SPOPL: variants seen among roughly 807,000 people sequenced by gnomAD.
The protein encoded by SPOPL is speckle-type POZ protein-like.
A neutral mutation model predicts 53.8 loss-of-function variants in SPOPL; 23 were observed. That is an observed-to-expected ratio of 0.43 (90% confidence interval 0.31 to 0.61). The LOEUF (loss-of-function observed/expected upper bound fraction) is 0.61, where lower values mean the gene tolerates loss of function less well. SPOPL is among the 20% of genes least tolerant of loss of function. SPOPL has a pLI of 0.12. For missense variants in SPOPL, 442 were observed against 466.9 expected (o/e 0.95, Z 0.49); for synonymous variants, 164 against 149.7 (o/e 1.10, Z -0.70).
At chr2:138,556,594 G>T (rs1367489058) in intron 5 of SPOPL, among the ~76,000 whole-genome samples, 1 of 152,080 alleles carries the variant, frequency 6.6e-6, no homozygotes, top group African/African-American at 2.4e-5. Context: ...ATATCATTAG[G>T]TTATAATGTG....
chr2:138,529,169 T>C (rs1684745493), intron 1 of SPOPL, among the ~76,000 whole-genome samples: 1 of 152,176 alleles, frequency 6.6e-6, no homozygotes, highest in Non-Finnish European at 1.5e-5. Flanking sequence ...AAGCTCTTGG[T>C]GAAGAAGTTT....
chr2:138,545,380 C>G (rs1433012870), intron 1 of SPOPL, among the ~76,000 whole-genome samples: 1 of 152,060 alleles, frequency 6.6e-6, no homozygotes, highest in Non-Finnish European at 1.5e-5. Context: ...CCCTTTCTCA[C>G]TGAAATTCAG....
At chr2:138,568,458 C>G (rs867478051) in intron 10 of SPOPL, among the ~76,000 whole-genome samples, 2 of 152,016 alleles carry the variant, frequency 1.3e-5, no homozygotes, top group Non-Finnish European at 2.9e-5. Context: ...CAAGTGGCTG[C>G]GAATGAACCT....
chr2:138,522,151 T>G (rs1159183598), intron 1 of SPOPL, among the ~76,000 whole-genome samples: 1 of 152,176 alleles, frequency 6.6e-6, no homozygotes, highest in East Asian at 1.9e-4. Flanking sequence ...ACACTTAACT[T>G]TGAGACTTAC....
intron 8 of SPOPL, 25 bp downstream of exon 8, chr2:138,560,952 C>T: frequency 3.8e-6 from 6 of 1,593,172 alleles, no homozygotes; most frequent in Non-Finnish European, 5.1e-6. Flanking sequence ...CTTAAGGAAC[C>T]AAAATATACC....
chr2:138,524,403 A>G (rs1216216464), intron 1 of SPOPL, among the ~76,000 whole-genome samples: 2 of 152,162 alleles, frequency 1.3e-5, no homozygotes, highest in Non-Finnish European at 2.9e-5. Flanking sequence ...CCCTGGAGAC[A>G]TTTTCCACAT....
intron 8 of SPOPL, 97 bp from the exon 9 acceptor site, chr2:138,564,611 A>T: frequency 7.8e-7 from 1 of 1,283,390 alleles, no homozygotes. Context: ...TTAAATAATA[A>T]TCTATTTTAC....
At chr2:138,529,536 T>TGTGCACGCG (rs72375808) in intron 1 of SPOPL, among the ~76,000 whole-genome samples, 89 of 97,632 alleles carry the variant, frequency 9.1e-4, no homozygotes, top group African/African-American at 2.8e-3. Flanking sequence ...GTGTGTGTGT[T>TGTGCACGCG]TGCGTGCGCG....
At chr2:138,550,827 T>TC (rs1685299146) in intron 3 of SPOPL, 76 bp from the exon 4 acceptor site, 4 of 1,368,354 alleles carry the variant, frequency 2.9e-6, no homozygotes, top group Admixed American at 2.4e-5. Flanking sequence ...CTCTCTCTCT[T>TC]TCTCTCTCTC....
chr2:138,533,558 A>G (rs1055251670), intron 1 of SPOPL, among the ~76,000 whole-genome samples: 2 of 152,086 alleles, frequency 1.3e-5, no homozygotes, highest in Admixed American at 6.5e-5. Flanking sequence ...AAGTCATCGT[A>G]TACTTAATTT....
chr2:138,521,087 A>T (rs571804028), intron 1 of SPOPL, among the ~76,000 whole-genome samples: 1 of 152,344 alleles, frequency 6.6e-6, no homozygotes, highest in East Asian at 1.9e-4. Flanking sequence ...TTAATATGTT[A>T]TGCTATAGGA....
intron 1 of SPOPL, among the ~76,000 whole-genome samples, chr2:138,530,169 T>C (rs1242304906): frequency 7.2e-5 from 11 of 152,258 alleles, no homozygotes; most frequent in Non-Finnish European, 7.3e-5. Context: ...TTTATGTGGC[T>C]GTGTAGTATT....
intron 1 of SPOPL, among the ~76,000 whole-genome samples, chr2:138,515,981 G>A (rs1684429850): frequency 6.6e-6 from 1 of 152,140 alleles, no homozygotes; most frequent in African/African-American, 2.4e-5. Flanking sequence ...CATCAGAAGA[G>A]CTAAGATGTC....
intron 5 of SPOPL, among the ~76,000 whole-genome samples, chr2:138,553,412 A>G (rs1685356208): frequency 6.6e-6 from 1 of 152,180 alleles, no homozygotes; most frequent in Admixed American, 6.5e-5. Context: ...TACAGTTTAT[A>G]GAGAATATAC....
chr2:138,540,177 A>C (rs760315062), intron 1 of SPOPL, among the ~76,000 whole-genome samples: 24 of 152,174 alleles, frequency 1.6e-4, no homozygotes, highest in Non-Finnish European at 2.8e-4. Flanking sequence ...AGTCAGGTAG[A>C]GTGATGCCTC....
At chr2:138,549,130 T>G (rs1685258993) in intron 1 of SPOPL, among the ~76,000 whole-genome samples, 1 of 152,132 alleles carries the variant, frequency 6.6e-6, no homozygotes, top group African/African-American at 2.4e-5. Context: ...ATGTTGGGTA[T>G]TGCTGTCTCC....
intron 8 of SPOPL, among the ~76,000 whole-genome samples, chr2:138,561,871 C>T (rs111359021): frequency 4.6e-5 from 7 of 151,992 alleles, no homozygotes; most frequent in Admixed American, 3.3e-4. Flanking sequence ...TTGCCCCCCT[C>T]CCTCTCTACC....
intron 1 of SPOPL, among the ~76,000 whole-genome samples, chr2:138,520,900 G>A (rs1558864041): frequency 6.6e-6 from 1 of 152,086 alleles, no homozygotes; most frequent in Non-Finnish European, 1.5e-5. Context: ...TCCTAATACT[G>A]TATAAGACTA....
chr2:138,534,320 A>T (rs1346508267), intron 1 of SPOPL, among the ~76,000 whole-genome samples: 7 of 152,220 alleles, frequency 4.6e-5, no homozygotes, highest in African/African-American at 1.7e-4. Context: ...ATCTAATAAA[A>T]CAGCACAGTA....
Sources: allele counts gnomAD v4.1 joint callset (sites outside exome capture counted in the v4.1 genomes callset), GRCh38; gene constraint gnomAD v4.1.1; transcripts MANE v1.5; gene names NCBI Gene and HGNC (gene_info 2026-07-23, HGNC 2026-07-21).